Variants in PRKCE observed in about 807,000 individuals in gnomAD.
PRKCE encodes protein kinase C epsilon, also known as protein kinase C epsilon type.
In PRKCE, 16 loss-of-function variants were observed where a neutral mutation model predicts 85.4. That is an observed-to-expected ratio of 0.19 (90% CI 0.13 to 0.28). PRKCE has a LOEUF of 0.28. PRKCE is among the 10% of genes least tolerant of loss of function. PRKCE has a pLI of 1.00. For missense variants in PRKCE, 573 were observed against 975.2 expected, an observed-to-expected ratio of 0.59 and a Z score of 5.49; for synonymous variants, 388 against 371.5, an observed-to-expected ratio of 1.04 and a Z score of -0.51.
chr2:45,743,485 AGGAGCTTTC>A lies in PRKCE; in HGVS notation c.348+91039_348+91047del, dbSNP rs564591750. Among the ~76,000 whole-genome samples, 16 of 151,522 alleles carry A rather than the reference AGGAGCTTTC, an allele frequency of 1.1e-4. No homozygotes were observed. The South Asian group carries it at 3.4e-3, about 32-fold the overall frequency. On this transcript the variant is annotated intron_variant, in intron 1 of 14. Transcript: ENST00000306156. ...TCCCACCCCTCACCGAGAGAGGCCC[AGGAGCTTTC>A]GAGAGTAGACTTGATGCTTTTTTGC... is the stretch of plus-strand genomic sequence containing the variant.
chr2:45,677,681 G>A (rs969358863), intron 1 of PRKCE, among the ~76,000 whole-genome samples: 1 of 152,208 alleles, frequency 6.6e-6, no homozygotes, highest in Admixed American at 6.5e-5. Flanking sequence ...CACCCTGTGG[G>A]ATGGACTAGA....
chr2:45,761,411 T>C (rs1225080934), intron 1 of PRKCE, among the ~76,000 whole-genome samples: 1 of 150,384 alleles, frequency 6.6e-6, no homozygotes, highest in Admixed American at 6.6e-5. Flanking sequence ...CTCCTATCAA[T>C]AGCTGCCATG....
chr2:45,813,347 G>A (rs1688785998), intron 1 of PRKCE, among the ~76,000 whole-genome samples: 1 of 152,208 alleles, frequency 6.6e-6, no homozygotes. Context: ...AGCAGGAAAG[G>A]GCATGCTGGG....
intron 2 of PRKCE, among the ~76,000 whole-genome samples, chr2:45,950,932 C>T (rs557270433): frequency 1.3e-5 from 2 of 152,284 alleles, no homozygotes; most frequent in Non-Finnish European, 2.9e-5. Flanking sequence ...TGACTTATCT[C>T]TGCCCACTTG....
intron 2 of PRKCE, among the ~76,000 whole-genome samples, chr2:45,850,335 G>A (rs974583149): frequency 2.0e-5 from 3 of 152,224 alleles, no homozygotes; most frequent in Non-Finnish European, 2.9e-5. Flanking sequence ...TAGATCCTTG[G>A]TCAAGAAGTG....
chr2:45,734,476 G>T (rs552801962), intron 1 of PRKCE, among the ~76,000 whole-genome samples: 3 of 152,370 alleles, frequency 2.0e-5, no homozygotes, highest in East Asian at 1.9e-4. Context: ...CATGTAAACG[G>T]GGGGGTTGTC....
chr2:45,962,253 T>TC (rs1558890206), intron 2 of PRKCE, among the ~76,000 whole-genome samples: 1 of 152,010 alleles, frequency 6.6e-6, no homozygotes, highest in Non-Finnish European at 1.5e-5. Context: ...ATTCCTACTT[T>TC]CCCCCCAGGG....
intron 10 of PRKCE, among the ~76,000 whole-genome samples, chr2:46,072,162 C>G (rs913515983): frequency 6.6e-5 from 10 of 152,328 alleles, no homozygotes; most frequent in South Asian, 6.2e-4. Flanking sequence ...CACGCTTTAT[C>G]TGTCATCAAA....
At chr2:45,845,604 G>A (rs988688476) in intron 2 of PRKCE, 1 of 152,108 alleles carries the variant, frequency 6.6e-6, no homozygotes, top group Non-Finnish European at 1.5e-5. Flanking sequence ...AGAGAGGTGT[G>A]GGGGTGAGAT....
intron 11 of PRKCE, among the ~76,000 whole-genome samples, chr2:46,109,574 T>C (rs577147390): frequency 6.6e-6 from 1 of 152,278 alleles, no homozygotes; most frequent in African/African-American, 2.4e-5. Context: ...ACCATTCTAT[T>C]ATGTTTATTA....
chr2:45,773,194 TC>T (rs1480018839), intron 1 of PRKCE, among the ~76,000 whole-genome samples: 2 of 152,122 alleles, frequency 1.3e-5, no homozygotes, highest in African/African-American at 4.8e-5. Context: ...CCCACAGTCT[TC>T]CAACTCTGCT....
chr2:45,930,944 C>G (rs1278410195), intron 2 of PRKCE, among the ~76,000 whole-genome samples: 1 of 152,162 alleles, frequency 6.6e-6, no homozygotes, highest in Non-Finnish European at 1.5e-5. Flanking sequence ...AGGCAACTTA[C>G]CCTAATGGCG....
chr2:45,662,883 G>GCAA (rs1479733873), intron 1 of PRKCE, among the ~76,000 whole-genome samples: 1 of 152,172 alleles, frequency 6.6e-6, no homozygotes, highest in South Asian at 2.1e-4. Flanking sequence ...AAGCAAGCAA[G>GCAA]CAAGCAAGCA....
At chr2:45,855,662 T>C (rs1366865367) in intron 2 of PRKCE, among the ~76,000 whole-genome samples, 5 of 152,216 alleles carry the variant, frequency 3.3e-5, no homozygotes, top group Non-Finnish European at 7.3e-5. Flanking sequence ...TGCTTGCTTG[T>C]GTGTCCTGTG....
intron 2 of PRKCE, among the ~76,000 whole-genome samples, chr2:45,897,877 C>T (rs900549059): frequency 6.6e-6 from 1 of 152,220 alleles, no homozygotes; most frequent in African/African-American, 2.4e-5. Context: ...TTAATAATCA[C>T]TGCTGACAAG....
intron 1 of PRKCE, among the ~76,000 whole-genome samples, chr2:45,793,909 T>C (rs1452870237): frequency 2.6e-5 from 4 of 152,178 alleles, no homozygotes; most frequent in Admixed American, 2.6e-4. Context: ...TTTTTTTTCT[T>C]GCTTGGTTCG....
At chr2:46,042,175 G>T (rs1056283465) in intron 10 of PRKCE, among the ~76,000 whole-genome samples, 1 of 152,178 alleles carries the variant, frequency 6.6e-6, no homozygotes, top group South Asian at 2.1e-4. Flanking sequence ...AGCAGTACTT[G>T]CTGGTCTTTG....
chr2:45,654,170 A>G (rs1314172575), intron 1 of PRKCE, among the ~76,000 whole-genome samples: 1 of 152,248 alleles, frequency 6.6e-6, no homozygotes, highest in Non-Finnish European at 1.5e-5. Context: ...GGCAGAGAGC[A>G]GGGATGAGGA....
chr2:45,828,854 A>G (rs1305009745), intron 1 of PRKCE, among the ~76,000 whole-genome samples: 1 of 152,182 alleles, frequency 6.6e-6, no homozygotes, highest in Non-Finnish European at 1.5e-5. Flanking sequence ...AAAGAAAAAA[A>G]TTATTCCACT....
Sources: gnomAD v4.1 joint callset for allele counts (sites outside exome capture counted in the v4.1 genomes callset) on GRCh38, gnomAD v4.1.1 for gene constraint, MANE v1.5 for transcripts, NCBI Gene and HGNC (gene_info 2026-07-23, HGNC 2026-07-21) for gene names.